ATF6: variants seen among roughly 807,000 people sequenced by gnomAD.
ATF6 encodes the protein cyclic AMP-dependent transcription factor ATF-6 alpha.
Under a neutral mutation model 83.6 loss-of-function variants are expected in ATF6, and 53 were observed. The observed-to-expected ratio is 0.63, with a 90% CI of 0.51 to 0.80. The LOEUF (loss-of-function observed/expected upper bound fraction) is 0.80, where lower values mean the gene tolerates loss of function less well. ATF6 is among the 30% of genes least tolerant of loss of function. ATF6 has a pLI of 0.00. For synonymous variants in ATF6, 288 were observed against 285.8 expected, an observed-to-expected ratio of 1.01 and a Z score of -0.08; for missense variants, 744 against 797.9, an observed-to-expected ratio of 0.93 and a Z score of 0.81.
intron 15 of ATF6, among the ~76,000 whole-genome samples, chr1:161,931,008 C>T (rs1688422387): frequency 6.6e-6 from 1 of 151,964 alleles, no homozygotes; most frequent in African/African-American, 2.4e-5. Context: ...TCCTGAGTAG[C>T]TGGGATTACA....
rs778462513 is a variant in ATF6 at position 161,783,941 on chromosome 1, A to G, written c.248-49A>G. Reference sequence around the variant, plus strand: ...TACCTTCTTTCTTGTTCATTTTATTATAAGTTTTTATTGTCCAGTGGGTAA... The same window carrying G: ...TACCTTCTTTCTTGTTCATTTTATTGTAAGTTTTTATTGTCCAGTGGGTAA... On this transcript the variant is annotated intron_variant, in intron 3 of 15. Coordinates refer to ENST00000367942, the MANE Select transcript of ATF6 (RefSeq NM_007348.4). 3.9e-6 allele frequency: 5 copies of G among 1,266,512 alleles called. No homozygotes were observed. The Admixed American group carries it at 5.9e-5, about 15-fold the overall frequency. 78.5% of individuals were successfully genotyped at this position (1,266,512 alleles called of 1,614,324 possible).
Position 161,851,829 on chromosome 1 carries a change from C to T in ATF6, c.1427C>T (p.Ser476Phe). The stretch of plus-strand genomic sequence containing the variant: ...CAGCCCCTAATTAACACAACAGAGT[C>T]TCTCAGGTGAGTGTTGTAGATTATT... ...PCQPLINTTE[S>F]LRLNHELRGW... is the part of the protein sequence containing the mutation. Residue 476 changes from serine (S) to phenylalanine (F), a missense_variant, in exon 11 of 16, where the codon TCT becomes TTT. Physicochemically the swap from Ser to Phe is radical, Grantham distance 155. Transcript: ENST00000367942. 6.2e-7 allele frequency: 1 copy of T among 1,610,046 alleles called. No individual in the cohort carries two copies. The highest frequency in any genetic ancestry group is 8.5e-7 in the Non-Finnish European group (1 of 1,176,398).
At position 161,821,177 on chromosome 1, in the gene ATF6, T is replaced by C. The variant is rs777243482; in HGVS notation, c.1187+16T>C. 7.8e-6 allele frequency: 12 copies of C among 1,536,790 alleles called. No individual in the cohort carries two copies. The highest frequency in any genetic ancestry group is 1.4e-5 in the African/African-American group (1 of 72,396). ...GACCTATGAGGTAAGTGAATAGATA[T>C]TTATTTTGGACACTAATGCTAAAAA... On this transcript the variant is annotated intron_variant, in intron 9 of 15. Transcript: ENST00000367942.
At chr1:161,876,408 C>T (rs1687217867) in intron 14 of ATF6, among the ~76,000 whole-genome samples, 1 of 152,000 alleles carries the variant, frequency 6.6e-6, no homozygotes, top group African/African-American at 2.4e-5. Flanking sequence ...TTTTATTAGT[C>T]TCTCAGCTAT....
rs1392687629 is a variant in ATF6 at position 161,944,145 on chromosome 1, CAGTT to C, written c.1805-14298_1805-14295del. On this transcript the variant is annotated intron_variant, in intron 15 of 15. Coordinates refer to ENST00000367942, the MANE Select transcript of ATF6 (RefSeq NM_007348.4). ...TCTGATCCACATGCAGTTTGGTGCT[CAGTT>C]AGGCCAGAATCCGAAAAAGTTGTAA... Among the ~76,000 whole-genome samples the C allele has an allele frequency of 2.6e-5, 4 of 152,160 alleles. 1 individual carries two copies. Among genetic ancestry groups the C allele is most frequent in the South Asian group, 4.1e-4 (2 of 4,826 alleles).
At chr1:161,874,554 A>G (rs1034593460) in intron 14 of ATF6, among the ~76,000 whole-genome samples, 1 of 151,678 alleles carries the variant, frequency 6.6e-6, no homozygotes, top group East Asian at 1.9e-4. Flanking sequence ...ACATTTTACA[A>G]CTATTTCTTT....
intron 10 of ATF6, among the ~76,000 whole-genome samples, chr1:161,848,764 A>G (rs1686542012): frequency 6.6e-6 from 1 of 152,018 alleles, no homozygotes; most frequent in Non-Finnish European, 1.5e-5. Flanking sequence ...TACTTTAATG[A>G]TTTATTTGTT....
In ATF6 at chr1:161,948,755, A is replaced by C. The variant is rs60437935; in HGVS notation, c.1805-9691A>C. On this transcript the variant is annotated intron_variant, in intron 15 of 15. Transcript: ENST00000367942. ...TGCAGAACTTAAACGGAGCAATAAA[A>C]CTATTTATAAATCCAGACACCTTTA... Among the ~76,000 whole-genome samples, 785 of 152,288 alleles carry C rather than the reference A, an allele frequency of 5.2e-3. 5 individuals carry two copies. Among genetic ancestry groups the C allele is most frequent in the African/African-American group, 0.018 (755 of 41,552 alleles).
intron 15 of ATF6, among the ~76,000 whole-genome samples, chr1:161,947,581 A>T (rs1481777207): frequency 6.6e-6 from 1 of 152,210 alleles, no homozygotes; most frequent in Admixed American, 6.5e-5. Flanking sequence ...GTGTAATCAT[A>T]GCAAGAGATG....
At chr1:161,815,918 T>G (rs1343790899) in intron 7 of ATF6, among the ~76,000 whole-genome samples, 1 of 152,200 alleles carries the variant, frequency 6.6e-6, no homozygotes, top group Non-Finnish European at 1.5e-5. Flanking sequence ...CCAGCCTGGG[T>G]GACAGAGTGA....
At chr1:161,855,342 T>C (rs968745262) in intron 12 of ATF6, among the ~76,000 whole-genome samples, 1 of 152,138 alleles carries the variant, frequency 6.6e-6, no homozygotes, top group African/African-American at 2.4e-5. Flanking sequence ...ATTGTTGATA[T>C]AATGATAAAT....
chr1:161,892,627 TC>T (rs1353590287), intron 14 of ATF6, among the ~76,000 whole-genome samples: 2 of 146,180 alleles, frequency 1.4e-5, no homozygotes, highest in Non-Finnish European at 3.0e-5. Flanking sequence ...TACAGGTCAT[TC>T]TTTTTTTTTT....
At position 161,896,106 on chromosome 1, in the gene ATF6, A is replaced by G. The variant is rs374159913; in HGVS notation, c.1720-16190A>G. On this transcript the variant is annotated intron_variant, in intron 14 of 15. Transcript: ENST00000367942. ...GGAAGCCAAATACATCCGTCTATCT[A>G]TCCATCAATCGATAGATAGATGTAT... Among the ~76,000 whole-genome samples, 181 of 152,326 alleles carry G rather than the reference A, an allele frequency of 1.2e-3. 4 individuals carry two copies. In the South Asian group the frequency reaches 0.037, roughly 31 times the overall value.
chr1:161,821,825 G>T (rs1557978974), intron 9 of ATF6, among the ~76,000 whole-genome samples: 1 of 152,270 alleles, frequency 6.6e-6, no homozygotes, highest in East Asian at 1.9e-4. Flanking sequence ...GAAACTATTG[G>T]CAGAGAAAGC....
At chr1:161,776,982 T>C (rs2340824) in intron 1 of ATF6, among the ~76,000 whole-genome samples, 20,014 of 152,152 alleles carry the variant, frequency 0.13, 1,832 homozygotes, top group East Asian at 0.31. Context: ...GGAGGAAAAC[T>C]GGGTAAGTGT....
intron 4 of ATF6, among the ~76,000 whole-genome samples, chr1:161,785,450 GTTT>G (rs912701990): frequency 6.6e-6 from 1 of 152,010 alleles, no homozygotes; most frequent in Non-Finnish European, 1.5e-5. Flanking sequence ...CCTGTACCTT[GTTT>G]TTTTAGCTTA....
At chr1:161,812,995 C>T (rs1685512823) in intron 7 of ATF6, among the ~76,000 whole-genome samples, 1 of 152,060 alleles carries the variant, frequency 6.6e-6, no homozygotes, top group Non-Finnish European at 1.5e-5. Flanking sequence ...CATCATTACT[C>T]TGTGCTCCAT....
chr1:161,929,884 A>G (rs2101901298), intron 15 of ATF6, among the ~76,000 whole-genome samples: 1 of 152,338 alleles, frequency 6.6e-6, no homozygotes, highest in Non-Finnish European at 1.5e-5. Context: ...TGGTCTGTGC[A>G]GGTACAGGCA....
At chr1:161,776,105 A>T (rs1684509269) in intron 1 of ATF6, among the ~76,000 whole-genome samples, 1 of 152,148 alleles carries the variant, frequency 6.6e-6, no homozygotes, top group Non-Finnish European at 1.5e-5. Context: ...CCTTTCTCAG[A>T]CTGTGAGAAA....
Sources: gnomAD v4.1 joint callset for allele counts (sites outside exome capture counted in the v4.1 genomes callset) on GRCh38, gnomAD v4.1.1 for gene constraint, MANE v1.5 for transcripts, NCBI Gene and HGNC (gene_info 2026-07-23, HGNC 2026-07-21) for gene names.